SMIM7: variants seen among roughly 807,000 people sequenced by gnomAD.
SMIM7 encodes small integral membrane protein 7.
SMIM7 carries 12 observed loss-of-function variants against 13.3 expected under a neutral mutation model. The ratio of observed to expected loss-of-function variants is 0.90; its 90% CI spans 0.58 to 1.46. The LOEUF (loss-of-function observed/expected upper bound fraction) is 1.46, where lower values mean the gene tolerates loss of function less well. Among genes scored for constraint, SMIM7 ranks in the 40% most tolerant of loss-of-function variants. The pLI, the probability that SMIM7 is intolerant of heterozygous loss-of-function variation, is 0.00. For synonymous variants in SMIM7, 36 were observed against 35.8 expected, an observed-to-expected ratio of 1.01 and a Z score of -0.02; for missense variants, 114 against 94.8, an observed-to-expected ratio of 1.20 and a Z score of -0.84.
chr19:16,650,944 C>A (rs1478561543), intron 4 of SMIM7, among the ~76,000 whole-genome samples: 3 of 152,156 alleles, frequency 2.0e-5, no homozygotes, highest in East Asian at 3.8e-4. Flanking sequence ...AGACATAGTA[C>A]CCTCCGGCCT....
chr19:16,638,969 T>C (rs1232522192), intron 4 of SMIM7: 1 of 152,216 alleles, frequency 6.6e-6, no homozygotes. Context: ...CAATGTACTC[T>C]AATTAGATGT....
chr19:16,655,470 C>T (rs1479471398), intron 3 of SMIM7: 6 of 450,960 alleles, frequency 1.3e-5, no homozygotes, highest in South Asian at 3.1e-5. Flanking sequence ...TACCTGAGGT[C>T]GGGAGTTCGA....
At position 16,647,201 on chromosome 19, in the gene SMIM7, A is replaced by G; in HGVS notation, c.*45T>C. On this transcript the variant is annotated 3_prime_UTR_variant, in exon 5 of 5. Coordinates refer to ENST00000487416, the MANE Select transcript of SMIM7 (RefSeq NM_024104.4). ...AGTCATCAGGAATGGAGGAATGGAGACTCGGCATCCCGGGAAAGTGAGTTC... is the reference window on the plus strand; with the variant it reads ...AGTCATCAGGAATGGAGGAATGGAGGCTCGGCATCCCGGGAAAGTGAGTTC... 9 of 1,613,332 alleles carry G rather than the reference A, an allele frequency of 5.6e-6. No individual in the cohort carries two copies. Among genetic ancestry groups the G allele is most frequent in the Non-Finnish European group, 7.6e-6 (9 of 1,179,610 alleles).
rs2086451450 is a variant in SMIM7 at position 16,646,619 on chromosome 19, T to C, written c.*627A>G. The C allele has an allele frequency of 6.4e-6, 1 of 155,378 alleles. No individual in the cohort carries two copies. Among genetic ancestry groups the C allele is most frequent in the African/African-American group, 2.4e-5 (1 of 41,542 alleles). The allele number at this position is 155,378 out of a possible 1,614,324, so 9.6% of individuals were successfully genotyped here. A position where few individuals can be genotyped will look rare whatever the true frequency, so the allele number is the denominator to read the frequency against. On this transcript the variant is annotated 3_prime_UTR_variant, in exon 5 of 5. Transcript: ENST00000487416. ...AAAGGGGTCAAGGCAGAGGAAAGTT[T>C]CCCTTAATATCCCCACAACTGCTCC... is the stretch of plus-strand genomic sequence containing the variant.
chr19:16,636,769 T>C (rs907867568), intron 4 of SMIM7, among the ~76,000 whole-genome samples: 4 of 151,696 alleles, frequency 2.6e-5, no homozygotes, highest in African/African-American at 9.7e-5. Flanking sequence ...CTGGGCAACA[T>C]AGTGAGACCC....
chr19:16,646,910 C>T lies in SMIM7; in HGVS notation c.*336G>A. On this transcript the variant is annotated 3_prime_UTR_variant, in exon 5 of 5. Coordinates refer to ENST00000487416, the MANE Select transcript of SMIM7 (RefSeq NM_024104.4). ...CAAAAATACGGCTGTGTTAAACTAA[C>T]AAGCCAATCCTTCTGCTCAGATCTC... 1 of 371,496 alleles carries T rather than the reference C, an allele frequency of 2.7e-6. No individual in the cohort carries two copies. The highest frequency in any genetic ancestry group is 5.0e-6 in the Non-Finnish European group (1 of 201,666). 23.0% of individuals were successfully genotyped at this position (371,496 alleles called of 1,614,324 possible).
At chr19:16,635,899 A>AAAAAAAAAATATATATATAT (rs1200181092) in intron 4 of SMIM7, among the ~76,000 whole-genome samples, 11 of 109,570 alleles carry the variant, frequency 1.0e-4, no homozygotes, top group African/African-American at 4.8e-4. Context: ...AAAAAAAAAA[A>AAAAAAAAAATATATATATAT]ATATATATAT....
intron 4 of SMIM7, among the ~76,000 whole-genome samples, chr19:16,647,649 T>C (rs1449139219): frequency 6.6e-6 from 1 of 151,574 alleles, no homozygotes; most frequent in Non-Finnish European, 1.5e-5. Context: ...AGAAATGGGG[T>C]TTCACCATGT....
chr19:16,659,951 C>G lies in SMIM7; in HGVS notation c.68+8G>C, dbSNP rs2086654244. Reference sequence around the variant, plus strand: ...GATGGAGCCGCAGTCCGGCCGCGACCTACTCACAGCTTAAAGTTCAGCACC... The same window carrying G: ...GATGGAGCCGCAGTCCGGCCGCGACGTACTCACAGCTTAAAGTTCAGCACC... On this transcript the variant is annotated splice_region_variant and intron_variant, in intron 2 of 4. Coordinates refer to ENST00000487416, the MANE Select transcript of SMIM7 (RefSeq NM_024104.4). 1 of 1,603,746 alleles carries G rather than the reference C, an allele frequency of 6.2e-7. No individual in the cohort carries two copies. The highest frequency in any genetic ancestry group is 1.4e-5 in the African/African-American group (1 of 72,470).
chr19:16,659,518 A>C, intron 2 of SMIM7, 71 bp from the exon 3 acceptor site: 6 of 1,483,894 alleles, frequency 4.0e-6, no homozygotes, highest in Non-Finnish European at 5.6e-6. Context: ...CCCCCAGCTC[A>C]GAAGGCCACA....
intron 4 of SMIM7, among the ~76,000 whole-genome samples, chr19:16,647,488 C>T (rs2086464605): frequency 6.7e-6 from 1 of 149,076 alleles, no homozygotes; most frequent in South Asian, 2.1e-4. Flanking sequence ...CAGAGTCTGG[C>T]TCTGCCGCCC....
At chr19:16,653,947 G>GA in intron 4 of SMIM7, 88 bp downstream of exon 4, 2 of 1,025,506 alleles carry the variant, frequency 2.0e-6, no homozygotes, top group Non-Finnish European at 2.9e-6. Context: ...AGTGATGACT[G>GA]AAAAGACAGA....
At chr19:16,648,105 A>C (rs2086473309) in intron 4 of SMIM7, among the ~76,000 whole-genome samples, 1 of 152,198 alleles carries the variant, frequency 6.6e-6, no homozygotes, top group African/African-American at 2.4e-5. Context: ...ACAAGTGACA[A>C]AAAGACAAAA....
At chr19:16,652,712 G>A (rs1419265745) in intron 4 of SMIM7, 3 of 1,435,452 alleles carry the variant, frequency 2.1e-6, no homozygotes, top group Non-Finnish European at 2.7e-6. Flanking sequence ...AACAGCCACT[G>A]GGGTGGCACG....
chr19:16,647,894 G>A lies in SMIM7; in HGVS notation c.213-633C>T, dbSNP rs372515135. Reference sequence around the variant, plus strand: ...AAAAGGTTATCTGAAAAAAATAAGAGTGCAGAAACAGCTGGATTTCCACAT... The same window carrying A: ...AAAAGGTTATCTGAAAAAAATAAGAATGCAGAAACAGCTGGATTTCCACAT... On this transcript the variant is annotated intron_variant, in intron 4 of 4. Transcript: ENST00000487416. Among the ~76,000 whole-genome samples, 62 of 152,150 alleles carry A rather than the reference G, an allele frequency of 4.1e-4. 3 individuals are homozygous for A. The highest frequency in any genetic ancestry group is 2.1e-3 in the East Asian group (11 of 5,194).
chr19:16,637,263 C>G (rs1435334507), intron 4 of SMIM7, among the ~76,000 whole-genome samples: 2 of 152,066 alleles, frequency 1.3e-5, no homozygotes, highest in Admixed American at 1.3e-4. Context: ...CACCTATAAC[C>G]CCAGCACTTT....
Position 16,647,221 on chromosome 19 carries a change from G to A in SMIM7, c.*25C>T, listed in dbSNP as rs560054806. ...TGGAGACTCGGCATCCCGGGAAAGTGAGTTCCTGGTTTCATCGCTGGGATT... is the reference window on the plus strand; with the variant it reads ...TGGAGACTCGGCATCCCGGGAAAGTAAGTTCCTGGTTTCATCGCTGGGATT... On this transcript the variant is annotated 3_prime_UTR_variant, in exon 5 of 5. Coordinates refer to ENST00000487416, the MANE Select transcript of SMIM7 (RefSeq NM_024104.4). The A allele has an allele frequency of 5.0e-5, 81 of 1,614,006 alleles. No homozygotes were observed. The South Asian group carries it at 7.8e-4, about 16-fold the overall frequency.
In SMIM7 at chr19:16,659,645, C is replaced by T. The variant is rs2086646114; in HGVS notation, c.69-198G>A. ...TCACAGCCAGGTCAGCAGCCACCGA[C>T]CGTTTACAAAGTGGCCCGACAGTGC... On this transcript the variant is annotated intron_variant, in intron 2 of 4. Coordinates refer to ENST00000487416, the MANE Select transcript of SMIM7 (RefSeq NM_024104.4). The T allele has an allele frequency of 7.4e-6, 5 of 674,196 alleles. No individual in the cohort carries two copies. In the East Asian group the frequency reaches 1.4e-4, roughly 18 times the overall value. 41.8% of individuals were successfully genotyped at this position (674,196 alleles called of 1,614,324 possible). A position where few individuals can be genotyped will look rare whatever the true frequency, so the allele number is the denominator to read the frequency against.
At chr19:16,650,636 G>A (rs987465446) in intron 4 of SMIM7, among the ~76,000 whole-genome samples, 8 of 151,916 alleles carry the variant, frequency 5.3e-5, no homozygotes, top group Non-Finnish European at 1.2e-4. Context: ...CTTGAACCTG[G>A]GAGATGCAGG....
Sources: allele counts gnomAD v4.1 joint callset (sites outside exome capture counted in the v4.1 genomes callset), GRCh38; gene constraint gnomAD v4.1.1; transcripts MANE v1.5; gene names NCBI Gene and HGNC (gene_info 2026-07-23, HGNC 2026-07-21).